Variants in PRELID2 observed in about 807,000 individuals in gnomAD.
PRELID2 encodes the protein PRELI domain-containing protein 2.
In PRELID2, 25 loss-of-function variants were observed where a neutral mutation model predicts 28.4. The ratio of observed to expected loss-of-function variants is 0.88; its 90% confidence interval spans 0.64 to 1.23. PRELID2 has a LOEUF of 1.23. Ranked by LOEUF, PRELID2 falls within the 50% of genes most tolerant of loss-of-function variation. The probability of loss-of-function intolerance (pLI) is 0.00; values close to 1 mark genes in which losing one functional copy is unlikely to be tolerated. For synonymous variants in PRELID2, 76 were observed against 71.6 expected (o/e 1.06, Z -0.31); for missense variants, 201 against 214.4 (o/e 0.94, Z 0.39).
intron 1 of PRELID2, among the ~76,000 whole-genome samples, chr5:145,685,713 G>T (rs1230577753): frequency 6.6e-6 from 1 of 152,134 alleles, no homozygotes; most frequent in African/African-American, 2.4e-5. Context: ...TAAATATTAA[G>T]TCAGTACCAC....
intron 4 of PRELID2, among the ~76,000 whole-genome samples, chr5:145,817,216 AAAAAAT>A (rs1754400528): frequency 1.5e-5 from 1 of 67,170 alleles, no homozygotes; most frequent in Admixed American, 1.8e-4. Flanking sequence ...AATAAATAAA[AAAAAAT>A]ATATATATAT....
chr5:145,403,047 C>T, the PRELID2 span, among the ~76,000 whole-genome samples: 1 of 152,168 alleles, frequency 6.6e-6, no homozygotes, highest in Non-Finnish European at 1.5e-5. Context: ...ACTAGACCCA[C>T]ACATGCTCTT....
At chr5:145,281,874 A>C in the PRELID2 span, among the ~76,000 whole-genome samples, 3 of 152,232 alleles carry the variant, frequency 2.0e-5, no homozygotes, top group Non-Finnish European at 4.4e-5. Context: ...TCCATTGGCT[A>C]TGTCATATTA....
the PRELID2 span, among the ~76,000 whole-genome samples, chr5:145,400,602 C>T: frequency 6.6e-6 from 1 of 152,122 alleles, no homozygotes; most frequent in African/African-American, 2.4e-5. Flanking sequence ...GAACATACAT[C>T]ATTTTCCAGC....
intron 1 of PRELID2, among the ~76,000 whole-genome samples, chr5:145,644,377 A>C (rs1259655730): frequency 6.6e-6 from 1 of 150,974 alleles, no homozygotes; most frequent in African/African-American, 2.4e-5. Context: ...ATCATTTTTT[A>C]TTGCATCTAT....
intron 1 of PRELID2, among the ~76,000 whole-genome samples, chr5:145,647,294 T>G (rs1411217439): frequency 6.6e-6 from 1 of 152,196 alleles, no homozygotes; most frequent in Non-Finnish European, 1.5e-5. Flanking sequence ...TTGAACTTTC[T>G]GGCAGCTTTG....
chr5:145,231,159 T>A, the PRELID2 span, among the ~76,000 whole-genome samples: 1 of 152,292 alleles, frequency 6.6e-6, no homozygotes, highest in East Asian at 1.9e-4. Flanking sequence ...AGGCTTTTGC[T>A]ATATTCTGCA....
chr5:145,742,101 TA>T (rs1756825015), intron 1 of PRELID2, among the ~76,000 whole-genome samples: 2 of 127,810 alleles, frequency 1.6e-5, no homozygotes, highest in East Asian at 2.2e-4. Context: ...TAATTACATA[TA>T]ATTATATATA....
the PRELID2 span, among the ~76,000 whole-genome samples, chr5:145,333,615 C>G: frequency 2.0e-5 from 3 of 152,228 alleles, no homozygotes; most frequent in East Asian, 5.8e-4. Flanking sequence ...GTGGACAAAC[C>G]TTTCCCTACC....
intron 1 of PRELID2, among the ~76,000 whole-genome samples, chr5:145,610,737 C>A (rs764843577): frequency 8.6e-5 from 13 of 152,010 alleles, no homozygotes; most frequent in Non-Finnish European, 1.9e-4. Context: ...GCCTCTAAGA[C>A]AAGTATTTTC....
At position 145,826,127 on chromosome 5, in the gene PRELID2, G is replaced by A. The variant is rs1755175409; in HGVS notation, c.76-2993C>T. The A allele has an allele frequency of 9.1e-6, 9 of 985,318 alleles. No homozygotes were observed. In the South Asian group the frequency reaches 4.2e-4, roughly 46 times the overall value. The allele number at this position is 985,318 out of a possible 1,614,324, so 61.0% of individuals were successfully genotyped here. A position where few individuals can be genotyped will look rare whatever the true frequency, so the allele number is the denominator to read the frequency against. ...AAAGACTTAACTGAGCAGCTACTGTGTTCACGCAGGGTGCTATCCTAGAGA... is the reference window on the plus strand; with the variant it reads ...AAAGACTTAACTGAGCAGCTACTGTATTCACGCAGGGTGCTATCCTAGAGA... On this transcript the variant is annotated intron_variant, in intron 1 of 6. Coordinates refer to ENST00000683046, the MANE Select transcript of PRELID2 (RefSeq NM_205846.3).
intron 1 of PRELID2, among the ~76,000 whole-genome samples, chr5:145,673,532 C>T (rs188595172): frequency 1.5e-4 from 23 of 152,072 alleles, no homozygotes; most frequent in Admixed American, 7.2e-4. Context: ...CATAGTGAAA[C>T]ATTATTGATG....
chr5:145,508,850 A>C (rs1204714426), intron 1 of PRELID2, among the ~76,000 whole-genome samples: 1 of 152,200 alleles, frequency 6.6e-6, no homozygotes, highest in Non-Finnish European at 1.5e-5. Flanking sequence ...GCCTGGCATA[A>C]CCAGCAAGCA....
chr5:145,455,369 G>A, the PRELID2 span, among the ~76,000 whole-genome samples: 2 of 151,834 alleles, frequency 1.3e-5, no homozygotes, highest in African/African-American at 4.8e-5. Flanking sequence ...TTGTAGTATA[G>A]TATAGCATGA....
the PRELID2 span, among the ~76,000 whole-genome samples, chr5:145,262,966 T>C: frequency 6.6e-6 from 1 of 152,096 alleles, no homozygotes; most frequent in African/African-American, 2.4e-5. Context: ...ATAGGGACTC[T>C]CATAAACTTA....
the PRELID2 span, among the ~76,000 whole-genome samples, chr5:145,428,142 A>T: frequency 6.6e-6 from 1 of 152,088 alleles, no homozygotes; most frequent in Non-Finnish European, 1.5e-5. Context: ...TATGTTTACT[A>T]GAGATGGGGT....
the PRELID2 span, among the ~76,000 whole-genome samples, chr5:145,312,745 TTATC>T: frequency 6.6e-6 from 1 of 152,214 alleles, no homozygotes; most frequent in Admixed American, 6.5e-5. Flanking sequence ...CACATTTTCT[TTATC>T]CATTCATCTA....
the PRELID2 span, among the ~76,000 whole-genome samples, chr5:145,357,417 CAGA>C: frequency 5.3e-5 from 8 of 152,152 alleles, no homozygotes; most frequent in African/African-American, 1.9e-4. Context: ...CCATATTTCT[CAGA>C]AGTTTTATTC....
chr5:145,406,554 G>A, the PRELID2 span, among the ~76,000 whole-genome samples: 17 of 152,180 alleles, frequency 1.1e-4, no homozygotes, highest in Non-Finnish European at 1.8e-4. Context: ...ACATTGTGAG[G>A]AAAATGGCAG....
Sources: gnomAD v4.1 joint callset for allele counts (sites outside exome capture counted in the v4.1 genomes callset) on GRCh38, gnomAD v4.1.1 for gene constraint, MANE v1.5 for transcripts, NCBI Gene and HGNC (gene_info 2026-07-23, HGNC 2026-07-21) for gene names.